Variants in PRRC2B observed in about 807,000 individuals in gnomAD.
PRRC2B encodes protein PRRC2B.
In PRRC2B, 68 loss-of-function variants were observed where a neutral mutation model predicts 242.3. The observed-to-expected ratio is 0.28, with a 90% CI of 0.23 to 0.34. The LOEUF (loss-of-function observed/expected upper bound fraction) is 0.34. PRRC2B is among the 10% of genes least tolerant of loss of function. The pLI, the probability that PRRC2B is intolerant of heterozygous loss-of-function variation, is 1.00. For missense variants in PRRC2B, 2,835 were observed against 2,954.8 expected, an observed-to-expected ratio of 0.96 and a Z score of 0.94; for synonymous variants, 1,228 against 1,173.6, an observed-to-expected ratio of 1.05 and a Z score of -0.95.
intron 13 of PRRC2B, among the ~76,000 whole-genome samples, chr9:131,468,950 G>C (rs1943467817): frequency 6.6e-6 from 1 of 152,168 alleles, no homozygotes. Flanking sequence ...TGATGGGGGA[G>C]AGCTCTGGAA....
chr9:131,485,116 G>T lies in PRRC2B; in HGVS notation c.5734G>T (p.Val1912Leu). 6.3e-7 allele frequency: 1 copy of T among 1,595,798 alleles called. No individual in the cohort carries two copies. The change falls in exon 25 of 32, where the codon GTA becomes TTA. Residue 1912 changes from valine (V) to leucine (L), a missense_variant. Physicochemically the swap from Val to Leu is conservative, Grantham distance 32. This residue lies in a region of PRRC2B where 574 missense variants were observed against 626.0 expected (regional missense o/e 0.92). Transcript: ENST00000683519. ...VSMPPMPVAS[V>L]APSASMPGSH... ...CATGCCACCCATGCCTGTGGCCTCT[G>T]TAGCACCTTCTGCTTCTATGCCAGG...
chr9:131,421,679 A>C (rs1350464013), intron 1 of PRRC2B, among the ~76,000 whole-genome samples: 1 of 152,110 alleles, frequency 6.6e-6, no homozygotes, highest in African/African-American at 2.4e-5. Flanking sequence ...CACTATTGTG[A>C]GTGGAGGAAA....
At chr9:131,398,979 A>G (rs1300377665) in intron 1 of PRRC2B, among the ~76,000 whole-genome samples, 2 of 151,606 alleles carry the variant, frequency 1.3e-5, no homozygotes, top group African/African-American at 4.9e-5. Context: ...CCCTGTCTCA[A>G]AAGAATAAAA....
intron 2 of PRRC2B, 117 bp from the exon 3 acceptor site, chr9:131,432,500 T>G (rs1838211132): frequency 2.0e-6 from 2 of 998,574 alleles, no homozygotes; most frequent in African/African-American, 3.3e-5. Flanking sequence ...CTTTGTTTTT[T>G]GTTGGGTTAG....
intron 1 of PRRC2B, among the ~76,000 whole-genome samples, chr9:131,405,693 G>T (rs186054731): frequency 5.3e-5 from 8 of 152,296 alleles, no homozygotes; most frequent in African/African-American, 1.9e-4. Context: ...AGGAGGTGCG[G>T]TTTGGAATTA....
Position 131,494,252 on chromosome 9 carries a change from T to G in PRRC2B, c.6474-153T>G, listed in dbSNP as rs973903784. Among the ~76,000 whole-genome samples the G allele has an allele frequency of 3.3e-5, 5 of 152,368 alleles. No individual in the cohort carries two copies. In the East Asian group the frequency reaches 7.7e-4, roughly 23 times the overall value. ...TTCTGGGCTGTCTTAGGTCTGTGGTTGTTTTCCATCCAAGAGATCCACGGA... is the reference window on the plus strand; with the variant it reads ...TTCTGGGCTGTCTTAGGTCTGTGGTGGTTTTCCATCCAAGAGATCCACGGA... On this transcript the variant is annotated intron_variant, in intron 30 of 31. Transcript: ENST00000683519. The surrounding 1 kb of genome is among the most constrained non-coding windows in gnomAD (Gnocchi z 4.3).
In PRRC2B at chr9:131,495,842, C is replaced by T. The variant is rs1289390153; in HGVS notation, c.6658C>T (p.Arg2220Trp). ...GAAGCGAACCGGAGCGATCAAGCCT[C>T]GGGCTGTCAAAGTGGAGGAGAGTAA... ...QMKRTGAIKPRAVKVEESKA is the reference protein window; with the variant it reads ...QMKRTGAIKPWAVKVEESKA Residue 2220 changes from arginine (R) to tryptophan (W), a missense_variant, in exon 32 of 32, where the codon CGG becomes TGG. This residue lies in a region of PRRC2B where 574 missense variants were observed against 626.0 expected (regional missense o/e 0.92). Transcript: ENST00000683519. 1.6e-5 allele frequency: 26 copies of T among 1,610,788 alleles called. No homozygotes were observed. The highest frequency in any genetic ancestry group is 2.2e-5 in the East Asian group (1 of 44,770).
intron 11 of PRRC2B, among the ~76,000 whole-genome samples, chr9:131,462,554 A>G (rs1477916651): frequency 6.6e-6 from 1 of 150,826 alleles, no homozygotes; most frequent in African/African-American, 2.4e-5. Flanking sequence ...AGAATTCTCA[A>G]TTTGGCCAGC....
intron 26 of PRRC2B, among the ~76,000 whole-genome samples, chr9:131,486,767 A>G (rs1944035945): frequency 1.3e-5 from 2 of 151,910 alleles, no homozygotes; most frequent in Admixed American, 6.6e-5. Flanking sequence ...GCCTCTGCTG[A>G]CCTCTTTTTA....
chr9:131,429,161 G>T (rs1004777388), intron 1 of PRRC2B, among the ~76,000 whole-genome samples: 2 of 152,202 alleles, frequency 1.3e-5, no homozygotes, highest in African/African-American at 4.8e-5. Context: ...TGGCCAGGCA[G>T]GTCTCGAACT....
At chr9:131,493,800 G>A (rs568780112) in intron 30 of PRRC2B, among the ~76,000 whole-genome samples, 1 of 152,312 alleles carries the variant, frequency 6.6e-6, no homozygotes, top group South Asian at 2.1e-4. Flanking sequence ...TCACCACACA[G>A]GCTGAGCGGG....
chr9:131,420,494 T>TTTCTTTCTTTTCTTTCTTTCTTTTCTTTC (rs1554758631), intron 1 of PRRC2B, among the ~76,000 whole-genome samples: 2 of 10,050 alleles, frequency 2.0e-4, no homozygotes, highest in African/African-American at 6.6e-4. Context: ...TCTTTCTTTC[T>TTTCTTTCTTTTCTTTCTTTCTTTTCTTTC]TTTTTTTTTT....
At chr9:131,463,408 T>C (rs1588266818) in intron 11 of PRRC2B, among the ~76,000 whole-genome samples, 1 of 152,150 alleles carries the variant, frequency 6.6e-6, no homozygotes, top group African/African-American at 2.4e-5. Context: ...TTTGTGTTAC[T>C]AGCATTCAAA....
At chr9:131,464,002 C>T (rs1403528663) in intron 11 of PRRC2B, among the ~76,000 whole-genome samples, 12 of 151,068 alleles carry the variant, frequency 7.9e-5, no homozygotes, top group African/African-American at 1.7e-4. Flanking sequence ...AGTGCAGTGG[C>T]GCGATCTCGG....
At chr9:131,374,678 C>T (rs969960932) in intron 1 of PRRC2B, among the ~76,000 whole-genome samples, 40 of 152,054 alleles carry the variant, frequency 2.6e-4, no homozygotes, top group Admixed American at 2.4e-3. Flanking sequence ...AGGCATGCAC[C>T]ACCACGTCCA....
intron 19 of PRRC2B, among the ~76,000 whole-genome samples, chr9:131,481,315 A>AAAAAAG (rs1431269356): frequency 9.4e-5 from 12 of 127,718 alleles, no homozygotes; most frequent in African/African-American, 3.2e-4. Context: ...CGTCTCCAAA[A>AAAAAAG]AAAAAAAAAA....
chr9:131,420,391 T>C (rs940182978), intron 1 of PRRC2B, among the ~76,000 whole-genome samples: 2 of 151,782 alleles, frequency 1.3e-5, no homozygotes, highest in African/African-American at 4.8e-5. Flanking sequence ...GGAACAGAAA[T>C]GTGGGCGCTT....
chr9:131,476,556 G>T (rs760723417), intron 16 of PRRC2B, 21 bp downstream of exon 16: 28 of 1,552,192 alleles, frequency 1.8e-5, no homozygotes, highest in Non-Finnish European at 2.3e-5. Context: ...ACACCATCTG[G>T]GCCCTTTTTG....
At chr9:131,393,102 C>T (rs1219305711), upstream of PRRC2B, among the ~76,000 whole-genome samples, 1 of 152,116 alleles carries the variant, frequency 6.6e-6, no homozygotes, top group Non-Finnish European at 1.5e-5. Flanking sequence ...AATTTTCCTT[C>T]TGGGTCCAGC....
Sources: allele counts gnomAD v4.1 joint callset (sites outside exome capture counted in the v4.1 genomes callset), GRCh38; gene constraint gnomAD v4.1.1; regional missense constraint gnomAD v4.1.1; non-coding constraint Gnocchi (gnomAD v3.1); transcripts MANE v1.5; gene names NCBI Gene and HGNC (gene_info 2026-07-23, HGNC 2026-07-21).